Variants in CDH13 observed in about 807,000 individuals in gnomAD.
CDH13 encodes cadherin 13.
A neutral mutation model predicts 63.8 loss-of-function variants in CDH13; 24 were observed. The observed-to-expected ratio is 0.38, with a 90% CI of 0.27 to 0.53. The LOEUF is 0.53. Among genes scored for constraint, CDH13 ranks in the 20% least tolerant of loss-of-function variants. CDH13 has a pLI of 0.85. For synonymous variants in CDH13, 503 were observed against 355.3 expected (o/e 1.42, Z -4.67); for missense variants, 1,049 against 903.1 (o/e 1.16, Z -2.07).
chr16:83,095,848 G>T (rs188846936), intron 3 of CDH13, among the ~76,000 whole-genome samples: 3 of 152,152 alleles, frequency 2.0e-5, no homozygotes, highest in African/African-American at 4.8e-5. Context: ...GGCAATAGAG[G>T]CATGCAGTGA....
At chr16:82,878,715 C>G (rs377505372) in intron 2 of CDH13, among the ~76,000 whole-genome samples, 21 of 151,430 alleles carry the variant, frequency 1.4e-4, no homozygotes, top group African/African-American at 5.1e-4. Flanking sequence ...TGGCAGGGAA[C>G]TTACAAATCT....
chr16:83,576,182 C>T (rs1019298174), intron 7 of CDH13, among the ~76,000 whole-genome samples: 1 of 152,108 alleles, frequency 6.6e-6, no homozygotes, highest in African/African-American at 2.4e-5. Context: ...GACCCCAGTC[C>T]CTGGCTAAAA....
In CDH13 at chr16:82,675,594, T is replaced by C. The variant is rs116908548; in HGVS notation, c.45+48457T>C. The stretch of plus-strand genomic sequence containing the variant: ...CAATTCCTTTGGTTAAAGATGCTTT[T>C]CTAAGTACTTCAGAAAATGTATGCA... On this transcript the variant is annotated intron_variant, in intron 1 of 13. Transcript: ENST00000567109. 3.9e-5 allele frequency among the ~76,000 whole-genome samples: 6 copies of C among 152,328 alleles called. No individual in the cohort carries two copies. In the East Asian group the frequency reaches 1.2e-3, roughly 29 times the overall value.
chr16:83,216,390 G>A (rs2039510947), intron 4 of CDH13, among the ~76,000 whole-genome samples: 1 of 21,332 alleles, frequency 4.7e-5, no homozygotes, highest in Admixed American at 9.3e-4. Context: ...TCTGCCTCCA[G>A]CATTGAAATA....
chr16:82,665,959 T>C (rs142467275), intron 1 of CDH13, among the ~76,000 whole-genome samples: 113 of 152,244 alleles, frequency 7.4e-4, no homozygotes, highest in African/African-American at 2.5e-3. Context: ...ATGGTTTCAA[T>C]GGAGTAAGTA....
At chr16:83,538,796 A>G (rs2075244608) in intron 7 of CDH13, among the ~76,000 whole-genome samples, 1 of 152,238 alleles carries the variant, frequency 6.6e-6, no homozygotes, top group Admixed American at 6.5e-5. Context: ...GGAATAACCC[A>G]TGTACAAGTA....
intron 1 of CDH13, among the ~76,000 whole-genome samples, chr16:82,759,909 T>A (rs2034768004): frequency 6.6e-6 from 1 of 152,164 alleles, no homozygotes; most frequent in South Asian, 2.1e-4. Context: ...CCAATCCACA[T>A]TTTTTAAAGG....
chr16:83,237,498 A>C (rs1055387670), intron 5 of CDH13, among the ~76,000 whole-genome samples: 2 of 152,256 alleles, frequency 1.3e-5, no homozygotes, highest in African/African-American at 4.8e-5. Flanking sequence ...ATAGTAGTCC[A>C]CGTGGTGACT....
chr16:82,752,780 C>G (rs923245191), intron 1 of CDH13, among the ~76,000 whole-genome samples: 1 of 152,140 alleles, frequency 6.6e-6, no homozygotes, highest in African/African-American at 2.4e-5. Context: ...TGGCCTTTGC[C>G]TATTTTCATG....
intron 8 of CDH13, among the ~76,000 whole-genome samples, chr16:83,605,669 A>G (rs1908260099): frequency 6.6e-6 from 1 of 152,198 alleles, no homozygotes; most frequent in East Asian, 1.9e-4. Context: ...GCTGATGAGG[A>G]TGGTGGGAGG....
At chr16:82,670,699 C>T (rs1597275710) in intron 1 of CDH13, among the ~76,000 whole-genome samples, 2 of 152,118 alleles carry the variant, frequency 1.3e-5, no homozygotes, top group South Asian at 2.1e-4. Context: ...GGGTATGAAA[C>T]TTATAGACAC....
intron 5 of CDH13, among the ~76,000 whole-genome samples, chr16:83,227,087 T>C (rs2039863690): frequency 6.6e-6 from 1 of 152,106 alleles, no homozygotes; most frequent in Admixed American, 6.5e-5. Flanking sequence ...CAGAAAATGA[T>C]TGAAGTCATG....
chr16:83,515,632 A>G (rs2074682786), intron 7 of CDH13, among the ~76,000 whole-genome samples: 1 of 152,232 alleles, frequency 6.6e-6, no homozygotes, highest in African/African-American at 2.4e-5. Flanking sequence ...AAATTTCTCA[A>G]ATGCTTAGAA....
intron 8 of CDH13, among the ~76,000 whole-genome samples, chr16:83,627,255 A>C (rs1041231226): frequency 6.6e-6 from 1 of 151,910 alleles, no homozygotes; most frequent in Non-Finnish European, 1.5e-5. Flanking sequence ...GTGCGCCTGC[A>C]CTCCAGCCTG....
At chr16:82,760,857 G>A (rs1597494675) in intron 1 of CDH13, among the ~76,000 whole-genome samples, 1 of 151,694 alleles carries the variant, frequency 6.6e-6, no homozygotes, top group South Asian at 2.1e-4. Context: ...GGAAGTGCCA[G>A]GCCCTTTTCA....
At chr16:82,981,433 C>A (rs1403351746) in intron 2 of CDH13, among the ~76,000 whole-genome samples, 1 of 152,058 alleles carries the variant, frequency 6.6e-6, no homozygotes, top group Non-Finnish European at 1.5e-5. Flanking sequence ...ATCAAGTCAG[C>A]TCTCTGTGAA....
At chr16:83,274,013 C>T (rs1246888518) in intron 5 of CDH13, among the ~76,000 whole-genome samples, 1 of 152,180 alleles carries the variant, frequency 6.6e-6, no homozygotes, top group Non-Finnish European at 1.5e-5. Flanking sequence ...CCATCTTCCT[C>T]TCCACCACTT....
intron 7 of CDH13, among the ~76,000 whole-genome samples, chr16:83,581,253 G>C (rs866190080): frequency 9.2e-5 from 14 of 152,318 alleles, no homozygotes; most frequent in Middle Eastern, 3.4e-3. Context: ...ATTTATCCCT[G>C]AGTACAGCCT....
At chr16:83,560,027 C>T (rs1249345585) in intron 7 of CDH13, among the ~76,000 whole-genome samples, 1 of 152,058 alleles carries the variant, frequency 6.6e-6, no homozygotes, top group African/African-American at 2.4e-5. Context: ...ACTCATGAAA[C>T]CCTCATCGCT....
Sources: gnomAD v4.1 joint callset for allele counts (sites outside exome capture counted in the v4.1 genomes callset) on GRCh38, gnomAD v4.1.1 for gene constraint, MANE v1.5 for transcripts, NCBI Gene and HGNC (gene_info 2026-07-23, HGNC 2026-07-21) for gene names.